YBEY: variants seen among roughly 807,000 people sequenced by gnomAD.
The protein encoded by YBEY is ybeY metalloendoribonuclease.
In YBEY, 15 loss-of-function variants were observed where a neutral mutation model predicts 13.5. That is an observed-to-expected ratio of 1.11 (90% CI 0.75 to 1.72). The LOEUF is 1.72. YBEY is among the 40% of genes most tolerant of loss of function. YBEY has a pLI of 0.00. For synonymous variants in YBEY, 101 were observed against 83.1 expected, an observed-to-expected ratio of 1.21 and a Z score of -1.17; for missense variants, 244 against 208.4, an observed-to-expected ratio of 1.17 and a Z score of -1.05.
intron 2 of YBEY, among the ~76,000 whole-genome samples, chr21:46,290,455 C>T (rs1217842755): frequency 2.6e-5 from 4 of 151,944 alleles, no homozygotes; most frequent in Non-Finnish European, 4.4e-5. Flanking sequence ...CTGCCCGCCT[C>T]GGCCTCCCAA....
At chr21:46,304,812 C>A in the YBEY span, among the ~76,000 whole-genome samples, 1 of 152,294 alleles carries the variant, frequency 6.6e-6, no homozygotes, top group South Asian at 2.1e-4. Flanking sequence ...GGGACGGAAG[C>A]AACCCAAGTG....
chr21:46,291,972 A>G (rs1253917459), intron 3 of YBEY: 2 of 465,808 alleles, frequency 4.3e-6, no homozygotes, highest in Non-Finnish European at 5.6e-6. Context: ...TCAATCTCCC[A>G]GAGAACTCAG....
chr21:46,310,997 A>G, the YBEY span, among the ~76,000 whole-genome samples: 1 of 151,566 alleles, frequency 6.6e-6, no homozygotes, highest in African/African-American at 2.4e-5. Context: ...TCAGCCTCCC[A>G]AGTAGCTGGG....
intron 2 of YBEY, 142 bp from the exon 3 acceptor site, chr21:46,291,192 C>G: frequency 9.9e-7 from 1 of 1,012,206 alleles, no homozygotes; most frequent in South Asian, 1.6e-5. Context: ...AGTGAAACTC[C>G]GTCTCAAAAA....
intron 4 of YBEY, among the ~76,000 whole-genome samples, chr21:46,297,317 G>C (rs1347831705): frequency 1.5e-5 from 2 of 132,106 alleles, no homozygotes; most frequent in African/African-American, 5.7e-5. Flanking sequence ...CCCCTCCCGA[G>C]GCCCCGCTTA....
intron 3 of YBEY, among the ~76,000 whole-genome samples, chr21:46,295,952 G>A (rs2081939739): frequency 6.6e-6 from 1 of 151,882 alleles, no homozygotes; most frequent in Non-Finnish European, 1.5e-5. Flanking sequence ...AATCCACGTT[G>A]ACTAAAGACT....
chr21:46,289,239 A>G (rs1271799554), intron 2 of YBEY, among the ~76,000 whole-genome samples: 1 of 152,174 alleles, frequency 6.6e-6, no homozygotes, highest in Admixed American at 6.5e-5. Context: ...ACTCTGTAGA[A>G]GTTGTGGATC....
chr21:46,289,046 G>C (rs2081587529), intron 2 of YBEY, among the ~76,000 whole-genome samples: 2 of 152,138 alleles, frequency 1.3e-5, no homozygotes. Flanking sequence ...ACCATTTTCT[G>C]TAATAGGAAA....
chr21:46,301,883 A>C (rs1429621311), downstream of YBEY: 2 of 1,333,122 alleles, frequency 1.5e-6, no homozygotes. Flanking sequence ...TCGCGTAGCC[A>C]CTCCGGGTGG....
At chr21:46,310,179 A>G in the YBEY span, among the ~76,000 whole-genome samples, 3 of 152,060 alleles carry the variant, frequency 2.0e-5, no homozygotes, top group African/African-American at 7.2e-5. Context: ...TTATATGTAT[A>G]TGTTAAAACT....
the YBEY span, among the ~76,000 whole-genome samples, chr21:46,306,251 G>A: frequency 1.3e-5 from 2 of 152,046 alleles, no homozygotes; most frequent in African/African-American, 4.8e-5. Flanking sequence ...GCTCACGCCT[G>A]TAATCCCAGC....
intron 3 of YBEY, among the ~76,000 whole-genome samples, chr21:46,294,996 G>T (rs918917021): frequency 2.0e-5 from 3 of 152,150 alleles, no homozygotes; most frequent in Non-Finnish European, 4.4e-5. Flanking sequence ...TGCCCGCCAT[G>T]CACACCCTGC....
At chr21:46,290,029 T>TTG (rs2081635920) in intron 2 of YBEY, among the ~76,000 whole-genome samples, 2 of 41,648 alleles carry the variant, frequency 4.8e-5, no homozygotes, top group African/African-American at 1.8e-4. Flanking sequence ...GGTTGCAGTT[T>TTG]TGTATGTGTG....
chr21:46,307,306 T>G, the YBEY span, among the ~76,000 whole-genome samples: 2 of 152,186 alleles, frequency 1.3e-5, no homozygotes, highest in South Asian at 4.1e-4. Flanking sequence ...GCCACTGTGC[T>G]GGCCGTTAAC....
In YBEY at chr21:46,296,162, G is replaced by A. The variant is rs759499681; in HGVS notation, c.340G>A (p.Val114Met). The change falls in exon 4 of 5, where the codon GTG becomes ATG. Residue 114 changes from valine (V) to methionine (M), a missense_variant and splice_region_variant. Coordinates refer to ENST00000397701, the MANE Select transcript of YBEY (RefSeq NM_001314025.2). ...ENEDYNDVLT[V>M]TATHGLCHLL... ...AGCCGGTTTAAAATTATTCTGACAG[G>A]TGACGGCCACCCACGGACTCTGTCA... 1 of 1,613,788 alleles carries A rather than the reference G, an allele frequency of 6.2e-7. No individual in the cohort carries two copies. The highest frequency in any genetic ancestry group is 1.1e-5 in the South Asian group (1 of 91,092).
downstream of YBEY, among the ~76,000 whole-genome samples, chr21:46,298,433 G>GGTTTTTTTTTTTTTTTTTTTT (rs1569107101): frequency 1.5e-5 from 1 of 67,238 alleles, no homozygotes; most frequent in African/African-American, 4.7e-5. Flanking sequence ...TTTAATCCAA[G>GGTTTTTTTTTTTTTTTTTTTT]CTTTTTTTTT....
downstream of YBEY, chr21:46,302,279 C>G: frequency 7.1e-7 from 1 of 1,403,858 alleles, no homozygotes; most frequent in Non-Finnish European, 9.4e-7. Context: ...AAGCATCCTC[C>G]CAGAGGAGGC....
intron 2 of YBEY, among the ~76,000 whole-genome samples, chr21:46,289,197 G>T (rs1314506903): frequency 1.3e-5 from 2 of 152,160 alleles, no homozygotes; most frequent in Non-Finnish European, 2.9e-5. Context: ...GGAAAGAACA[G>T]GAATATACAG....
chr21:46,302,699 G>A (rs1315303830), downstream of YBEY: 3 of 770,090 alleles, frequency 3.9e-6, no homozygotes, highest in Admixed American at 2.3e-5. Flanking sequence ...CCCGGGGCAG[G>A]CTCTGAGTCC....
Sources: gnomAD v4.1 joint callset for allele counts (sites outside exome capture counted in the v4.1 genomes callset) on GRCh38, gnomAD v4.1.1 for gene constraint, MANE v1.5 for transcripts, NCBI Gene and HGNC (gene_info 2026-07-23, HGNC 2026-07-21) for gene names.